The following MAGI2 variants were observed in gnomAD, a reference collection of about 807,000 sequenced individuals.
MAGI2 encodes the protein membrane-associated guanylate kinase, WW and PDZ domain-containing protein 2.
A neutral mutation model predicts 133.3 loss-of-function variants in MAGI2; 35 were observed. That is an observed-to-expected ratio of 0.26 (90% CI 0.20 to 0.35). The LOEUF is 0.35. Ranked by LOEUF, MAGI2 falls within the 10% of genes least tolerant of loss-of-function variation. The pLI, the probability that MAGI2 is intolerant of heterozygous loss-of-function variation, is 1.00. For missense variants in MAGI2, 1,636 were observed against 1,863.4 expected, an observed-to-expected ratio of 0.88 and a Z score of 2.25; for synonymous variants, 729 against 710.6, an observed-to-expected ratio of 1.03 and a Z score of -0.41.
intron 21 of MAGI2, among the ~76,000 whole-genome samples, chr7:78,052,476 G>T (rs1186551681): frequency 6.6e-6 from 1 of 152,164 alleles, no homozygotes; most frequent in Non-Finnish European, 1.5e-5. Flanking sequence ...TCCACAGCCT[G>T]CAGAACCACG....
intron 3 of MAGI2, among the ~76,000 whole-genome samples, chr7:78,612,111 G>A (rs1381288221): frequency 1.3e-5 from 2 of 151,992 alleles, no homozygotes; most frequent in East Asian, 1.9e-4. Flanking sequence ...TGTAAAAATC[G>A]TATGCTATTA....
chr7:78,755,913 A>T (rs1585304803), intron 2 of MAGI2, among the ~76,000 whole-genome samples: 1 of 152,164 alleles, frequency 6.6e-6, no homozygotes, highest in East Asian at 1.9e-4. Flanking sequence ...TGGGTGCAAG[A>T]GGGTTGTAGC....
At chr7:78,945,932 G>A (rs1295792245) in intron 2 of MAGI2, among the ~76,000 whole-genome samples, 1 of 152,106 alleles carries the variant, frequency 6.6e-6, no homozygotes, top group Admixed American at 6.6e-5. Context: ...ATGACATTTT[G>A]TGCATTCCCA....
At chr7:78,555,558 T>G (rs1799752593) in intron 3 of MAGI2, among the ~76,000 whole-genome samples, 1 of 152,192 alleles carries the variant, frequency 6.6e-6, no homozygotes, top group Non-Finnish European at 1.5e-5. Flanking sequence ...TAGCCCCAAT[T>G]AAGCACAACT....
Position 78,297,716 on chromosome 7 carries a change from A to G in MAGI2, c.1409-41135T>C, listed in dbSNP as rs1584774061. On this transcript the variant is annotated intron_variant, in intron 9 of 21. Transcript: ENST00000354212. ...AAATTGGAAATCATCATTCTCAGTA[A>G]ACTGTCACAAGAACAAAAAACCAAA... Among the ~76,000 whole-genome samples, 2 of 151,556 alleles carry G rather than the reference A, an allele frequency of 1.3e-5. 1 individual carries two copies. The highest frequency in any genetic ancestry group is 4.2e-4 in the South Asian group (2 of 4,756).
chr7:78,106,062 G>A (rs1248241274), intron 20 of MAGI2, among the ~76,000 whole-genome samples: 1 of 151,902 alleles, frequency 6.6e-6, no homozygotes, highest in Non-Finnish European at 1.5e-5. Context: ...CTGTCTACAT[G>A]AGTTCAATTG....
chr7:78,683,992 A>G (rs2151101893), intron 2 of MAGI2, among the ~76,000 whole-genome samples: 1 of 152,324 alleles, frequency 6.6e-6, no homozygotes, highest in South Asian at 2.1e-4. Flanking sequence ...TCTCCCAGTG[A>G]TACAACAGAA....
intron 19 of MAGI2, among the ~76,000 whole-genome samples, chr7:78,126,096 T>C (rs1427834465): frequency 6.6e-6 from 1 of 152,192 alleles, no homozygotes. Context: ...ATCAGTTTAC[T>C]TGGCAAACGT....
intron 1 of MAGI2, among the ~76,000 whole-genome samples, chr7:79,269,903 A>G (rs532111747): frequency 1.3e-5 from 2 of 152,244 alleles, no homozygotes; most frequent in South Asian, 4.1e-4. Flanking sequence ...AACTCTGATA[A>G]ATTTCTATAG....
chr7:78,899,524 T>C (rs574945700), intron 2 of MAGI2, among the ~76,000 whole-genome samples: 1 of 152,316 alleles, frequency 6.6e-6, no homozygotes, highest in Non-Finnish European at 1.5e-5. Flanking sequence ...TCATAAGCTT[T>C]AGTTTCCTAA....
At position 79,305,261 on chromosome 7, in the gene MAGI2, A is replaced by G. The variant is rs187624891; in HGVS notation, c.301+147759T>C. The stretch of plus-strand genomic sequence containing the variant: ...ATTGATAGAGCATACATATATATGT[A>G]TATAGTTTTCAGAGTATGAGCTCAG... On this transcript the variant is annotated intron_variant, in intron 1 of 21. Coordinates refer to ENST00000354212, the MANE Select transcript of MAGI2 (RefSeq NM_012301.4). 1.7e-4 allele frequency among the ~76,000 whole-genome samples: 26 copies of G among 152,300 alleles called. No individual in the cohort carries two copies. The East Asian group carries it at 4.8e-3, about 28-fold the overall frequency.
intron 2 of MAGI2, among the ~76,000 whole-genome samples, chr7:78,775,839 C>T (rs778016095): frequency 7.2e-5 from 11 of 152,166 alleles, no homozygotes; most frequent in Non-Finnish European, 1.3e-4. Context: ...TGGTGCTACA[C>T]AATTAACACT....
At chr7:79,378,924 GTGTATATATATA>G (rs1199154990) in intron 1 of MAGI2, among the ~76,000 whole-genome samples, 684 of 48,194 alleles carry the variant, frequency 0.014, 27 homozygotes, top group South Asian at 0.019. Flanking sequence ...ATATGTGTGT[GTGTATATATATA>G]TATATATATA....
chr7:78,179,233 T>C (rs1294913366), intron 13 of MAGI2, among the ~76,000 whole-genome samples: 1 of 152,240 alleles, frequency 6.6e-6, no homozygotes, highest in Admixed American at 6.5e-5. Flanking sequence ...TTAAGTAAAA[T>C]TCCCCTTGCT....
chr7:78,838,903 A>G (rs2052404), intron 2 of MAGI2, among the ~76,000 whole-genome samples: 14,514 of 152,170 alleles, frequency 0.095, 756 homozygotes, highest in African/African-American at 0.14. Context: ...GTGTTATAAC[A>G]CTTAATGTAA....
At chr7:78,693,912 G>T (rs1029171977) in intron 2 of MAGI2, among the ~76,000 whole-genome samples, 1 of 152,144 alleles carries the variant, frequency 6.6e-6, no homozygotes, top group African/African-American at 2.4e-5. Context: ...CCTTAGAAAA[G>T]TGTCTGCTGC....
At chr7:78,770,521 C>T (rs1049519175) in intron 2 of MAGI2, among the ~76,000 whole-genome samples, 1 of 152,246 alleles carries the variant, frequency 6.6e-6, no homozygotes, top group Non-Finnish European at 1.5e-5. Context: ...ATAACCTAAT[C>T]ATGCATTTGC....
chr7:78,226,243 C>T (rs185106191), intron 10 of MAGI2, among the ~76,000 whole-genome samples: 13 of 151,124 alleles, frequency 8.6e-5, no homozygotes, highest in East Asian at 7.8e-4. Context: ...AGATTCTGTG[C>T]GAATGGTGCC....
chr7:79,245,464 C>T (rs1485810185), intron 1 of MAGI2, among the ~76,000 whole-genome samples: 1 of 152,128 alleles, frequency 6.6e-6, no homozygotes, highest in Non-Finnish European at 1.5e-5. Context: ...GGCCCTTGGT[C>T]CTTGAATGAA....
Sources: allele counts gnomAD v4.1 joint callset (sites outside exome capture counted in the v4.1 genomes callset), GRCh38; gene constraint gnomAD v4.1.1; transcripts MANE v1.5; gene names NCBI Gene and HGNC (gene_info 2026-07-23, HGNC 2026-07-21).